PURG: variants seen among roughly 807,000 people sequenced by gnomAD.
PURG encodes purine rich element binding protein G, also known as purine-rich element-binding protein gamma.
A neutral mutation model predicts 24.3 loss-of-function variants in PURG; 3 were observed. The observed-to-expected ratio is 0.12, with a 90% CI of 0.06 to 0.32. The LOEUF (loss-of-function observed/expected upper bound fraction) is 0.32, where lower values mean the gene tolerates loss of function less well. PURG is among the 10% of genes least tolerant of loss of function. The pLI is 1.00. For synonymous variants in PURG, 180 were observed against 173.1 expected (o/e 1.04, Z -0.31); for missense variants, 371 against 439.1 (o/e 0.84, Z 1.39).
At chr8:31,019,409 C>T (rs1810949025) in intron 1 of PURG, among the ~76,000 whole-genome samples, 1 of 135,712 alleles carries the variant, frequency 7.4e-6, no homozygotes, top group African/African-American at 2.7e-5. Context: ...TCTTGGCTCA[C>T]TGCAATCTCC....
At chr8:31,005,112 T>C (rs912481449) in intron 1 of PURG, among the ~76,000 whole-genome samples, 2 of 152,168 alleles carry the variant, frequency 1.3e-5, no homozygotes, top group Non-Finnish European at 2.9e-5. Context: ...AAAATTATTA[T>C]GTTGAGTGAA....
intron 1 of PURG, among the ~76,000 whole-genome samples, chr8:31,000,379 T>C (rs1371769681): frequency 2.0e-5 from 3 of 152,206 alleles, no homozygotes. Context: ...ATAATCATAC[T>C]GATATATATT....
rs1423453855 is a variant in PURG at position 30,996,697 on chromosome 8, G to A, written c.865C>T (p.Leu289Phe). 3.7e-6 allele frequency: 6 copies of A among 1,602,290 alleles called. No homozygotes were observed. In the Admixed American group the frequency reaches 5.1e-5, roughly 14 times the overall value. The change falls in exon 2 of 2, where the codon CTC (leucine) becomes TTC (phenylalanine). Residue 289 changes from leucine (L) to phenylalanine (F), a missense_variant and splice_region_variant. Leu to Phe is a conservative substitution (Grantham distance 22). Coordinates refer to the PURG transcript ENST00000339382. ...TCTCTGGATTTGGGGTAATTTGTGA[G>A]CTAAAGAAAAAATATTAATTTGAAT...
chr8:30,996,734 G>T, intron 1 of PURG: 2 of 1,504,336 alleles, frequency 1.3e-6, no homozygotes, highest in Non-Finnish European at 1.8e-6. Context: ...TAGCAAACAT[G>T]AAGTTTTCAA....
chr8:31,027,071 A>G (rs1262293416), downstream of PURG, among the ~76,000 whole-genome samples: 1 of 151,760 alleles, frequency 6.6e-6, no homozygotes, highest in Non-Finnish European at 1.5e-5. Context: ...TTGTTTCAAC[A>G]GCATGTTAAC....
intron 1 of PURG, among the ~76,000 whole-genome samples, chr8:31,003,002 C>A (rs1396488966): frequency 1.3e-5 from 2 of 152,144 alleles, no homozygotes; most frequent in Non-Finnish European, 2.9e-5. Flanking sequence ...GAAGATATAT[C>A]CTTGAGGCTT....
chr8:31,014,387 G>A (rs983731790), intron 1 of PURG, among the ~76,000 whole-genome samples: 1 of 152,048 alleles, frequency 6.6e-6, no homozygotes, highest in African/African-American at 2.4e-5. Context: ...AAGACTTTAA[G>A]CTTTTATTGA....
intron 1 of PURG, among the ~76,000 whole-genome samples, chr8:31,000,659 G>T (rs1810519608): frequency 6.6e-6 from 1 of 152,078 alleles, no homozygotes; most frequent in South Asian, 2.1e-4. Context: ...TTAAAATTAG[G>T]ATTAGTTCAT....
intron 1 of PURG, among the ~76,000 whole-genome samples, chr8:31,011,237 A>G (rs1385386087): frequency 2.0e-5 from 3 of 152,094 alleles, no homozygotes; most frequent in Non-Finnish European, 4.4e-5. Flanking sequence ...GTATATAGCT[A>G]CTCCTTGCTT....
chr8:31,006,327 G>A (rs534740192), intron 1 of PURG, among the ~76,000 whole-genome samples: 1 of 152,280 alleles, frequency 6.6e-6, no homozygotes, highest in East Asian at 1.9e-4. Flanking sequence ...GGGTGTGGTA[G>A]CTCACGGCTG....
At chr8:31,016,790 G>A (rs553607936) in intron 1 of PURG, among the ~76,000 whole-genome samples, 7 of 152,124 alleles carry the variant, frequency 4.6e-5, no homozygotes, top group African/African-American at 1.7e-4. Context: ...CTGCACACTT[G>A]TGTTTGAGAA....
At chr8:30,996,601 C>T (rs761678280) in exon 2 of PURG, 1 of 1,604,552 alleles carries the variant, frequency 6.2e-7, no homozygotes, top group Non-Finnish European at 8.5e-7. Flanking sequence ...CCTTATTCCT[C>T]AACTGTTTTT....
chr8:31,013,286 C>G (rs943697209), intron 1 of PURG, among the ~76,000 whole-genome samples: 1 of 152,094 alleles, frequency 6.6e-6, no homozygotes, highest in Non-Finnish European at 1.5e-5. Flanking sequence ...GGTTTAATAA[C>G]GCTTGAAGAA....
At position 31,032,675 on chromosome 8, in the gene PURG, G is replaced by A. The variant is rs762010510; in HGVS notation, c.108C>T (p.His36=). The A allele has an allele frequency of 3.3e-5, 52 of 1,552,526 alleles. No homozygotes were observed. The highest frequency in any genetic ancestry group is 4.1e-5 in the African/African-American group (3 of 72,906). ...SKSRLYPQAQ[H]SHYPHYAASA... The stretch of plus-strand genomic sequence containing the variant: ...AGGCCGCGTAGTGGGGGTAGTGGGA[G>A]TGCTGGGCCTGGGGATAGAGTCTAC... The change falls in exon 2 of 2, where the codon CAC becomes CAT. Residue 36 remains histidine, a synonymous_variant. Transcript: ENST00000523392. The surrounding 1 kb of genome is among the most constrained non-coding windows in gnomAD (Gnocchi z 5.9).
intron 1 of PURG, among the ~76,000 whole-genome samples, chr8:31,012,200 A>G (rs1810776265): frequency 6.6e-6 from 1 of 152,162 alleles, no homozygotes; most frequent in African/African-American, 2.4e-5. Flanking sequence ...AGGAGTTAGG[A>G]TTTTTCAAAT....
chr8:31,026,652 A>ATT (rs1344062018), downstream of PURG, among the ~76,000 whole-genome samples: 20 of 122,494 alleles, frequency 1.6e-4, no homozygotes, highest in African/African-American at 4.8e-4. Flanking sequence ...ATATATATAT[A>ATT]TATATATATA....
At chr8:30,998,785 A>G (rs753918759) in intron 1 of PURG, among the ~76,000 whole-genome samples, 3 of 151,808 alleles carry the variant, frequency 2.0e-5, no homozygotes, top group Non-Finnish European at 4.4e-5. Flanking sequence ...TCCCATGGCA[A>G]ACAGGGCCAT....
At position 31,019,327 on chromosome 8, in the gene PURG, AT is replaced by A. The variant is rs771463137; in HGVS notation, c.864+12591del. On this transcript the variant is annotated intron_variant, in intron 1 of 1. Transcript: ENST00000339382. ...TGAGTGTTCAGGTGAAACACCTCTA[AT>A]TTTTTTTTTTTTTTTTTTTTTTTTA... Among the ~76,000 whole-genome samples the A allele has an allele frequency of 8.4e-3, 667 of 78,958 alleles. 5 individuals carry two copies. The highest frequency in any genetic ancestry group is 0.028 in the African/African-American group (559 of 19,850). The allele number at this position is 78,958 out of a possible 152,430, so 51.8% of individuals were successfully genotyped here.
At chr8:31,021,655 T>C (rs1810990737) in intron 1 of PURG, among the ~76,000 whole-genome samples, 1 of 152,194 alleles carries the variant, frequency 6.6e-6, no homozygotes, top group South Asian at 2.1e-4. Flanking sequence ...ATAGGAAATC[T>C]GAAAGGCAGT....
Sources: allele counts gnomAD v4.1 joint callset (sites outside exome capture counted in the v4.1 genomes callset), GRCh38; gene constraint gnomAD v4.1.1; non-coding constraint Gnocchi (gnomAD v3.1); transcripts MANE v1.5; gene names NCBI Gene and HGNC (gene_info 2026-07-23, HGNC 2026-07-21).